OTOGL: variants seen among roughly 807,000 people sequenced by gnomAD.
OTOGL encodes otogelin like, also known as otogelin-like protein.
In OTOGL, 285 loss-of-function variants were observed where a neutral mutation model predicts 318.5. The observed-to-expected ratio is 0.89, with a 90% CI of 0.81 to 0.99. The LOEUF is 0.99. OTOGL is among the 50% of genes least tolerant of loss of function. The pLI, the probability that OTOGL is intolerant of heterozygous loss-of-function variation, is 0.00. For missense variants in OTOGL, 2,899 were observed against 2,845.6 expected (o/e 1.02, Z -0.43); for synonymous variants, 987 against 936.5 (o/e 1.05, Z -0.99).
At chr12:80,367,873 G>A in intron 54 of OTOGL, 134 bp downstream of exon 54, 1 of 642,140 alleles carries the variant, frequency 1.6e-6, no homozygotes, top group Non-Finnish European at 2.4e-6. Flanking sequence ...CTACTATTTT[G>A]TAATATATCA....
intron 23 of OTOGL, 69 bp from the exon 24 acceptor site, chr12:80,271,579 T>C: frequency 3.5e-6 from 5 of 1,430,384 alleles, no homozygotes; most frequent in Non-Finnish European, 4.8e-6. Context: ...ATTTTATGAA[T>C]TTTGGTGTTC....
chr12:80,351,405 T>TC (rs1204574891), intron 44 of OTOGL, among the ~76,000 whole-genome samples: 1 of 152,014 alleles, frequency 6.6e-6, no homozygotes, highest in Non-Finnish European at 1.5e-5. Flanking sequence ...AAGCTCTGCC[T>TC]CCCGGGTTCA....
intron 1 of OTOGL, among the ~76,000 whole-genome samples, chr12:80,162,935 G>A (rs1384347813): frequency 6.6e-6 from 1 of 151,940 alleles, no homozygotes; most frequent in Non-Finnish European, 1.5e-5. Flanking sequence ...ATGATAGGCT[G>A]ACACAGACAG....
At chr12:80,270,039 T>C in intron 22 of OTOGL, 63 bp from the exon 23 acceptor site, 1 of 1,185,336 alleles carries the variant, frequency 8.4e-7, no homozygotes, top group Non-Finnish European at 1.2e-6. Flanking sequence ...GTTGTCGAAA[T>C]TCAGGGAAAA....
At chr12:80,219,573 C>T (rs1878094778) in intron 5 of OTOGL, among the ~76,000 whole-genome samples, 1 of 152,180 alleles carries the variant, frequency 6.6e-6, no homozygotes, top group Non-Finnish European at 1.5e-5. Context: ...AAGGAGCTAA[C>T]CTTTGCTCTC....
chr12:80,279,540 A>T (rs890917145), intron 26 of OTOGL, among the ~76,000 whole-genome samples: 4 of 151,710 alleles, frequency 2.6e-5, no homozygotes, highest in African/African-American at 9.7e-5. Context: ...AAGTGAGAAC[A>T]TGCGGTATTT....
At chr12:80,148,220 C>T (rs1388997806) in intron 1 of OTOGL, among the ~76,000 whole-genome samples, 1 of 150,170 alleles carries the variant, frequency 6.7e-6, no homozygotes, top group Non-Finnish European at 1.5e-5. Flanking sequence ...TTTAGTGCTT[C>T]CTTCAGGAGC....
At chr12:80,277,932 A>T (rs975407248) in intron 24 of OTOGL, among the ~76,000 whole-genome samples, 2 of 151,610 alleles carry the variant, frequency 1.3e-5, no homozygotes, top group Non-Finnish European at 3.0e-5. Context: ...GTGAATAGCA[A>T]AAAGGTCAAC....
chr12:80,316,723 G>A (rs1886996809), intron 32 of OTOGL, among the ~76,000 whole-genome samples: 1 of 152,158 alleles, frequency 6.6e-6, no homozygotes, highest in Non-Finnish European at 1.5e-5. Context: ...CAATGCAACA[G>A]TGATAGACGT....
chr12:80,205,310 C>T (rs1876736620), intron 1 of OTOGL, among the ~76,000 whole-genome samples: 3 of 152,136 alleles, frequency 2.0e-5, no homozygotes, highest in Admixed American at 2.0e-4. Flanking sequence ...AGAAACATTA[C>T]TTCTTTCAAG....
rs867839565 is a variant in OTOGL at position 80,380,440 on chromosome 12, A to G, written c.*2392A>G. 3 of 152,064 alleles carry G rather than the reference A, an allele frequency of 2.0e-5. No individual in the cohort carries two copies. The highest frequency in any genetic ancestry group is 7.2e-5 in the African/African-American group (3 of 41,444). The allele number at this position is 152,064 out of a possible 1,614,324, so 9.4% of individuals were successfully genotyped here. On this transcript the variant is annotated 3_prime_UTR_variant, in exon 59 of 59. Coordinates refer to ENST00000547103, the MANE Select transcript of OTOGL (RefSeq NM_001378609.3). ...ACAAAAGGAAAAAATTAACAACCTG[A>G]TAGAAAAATGAGCCAAAGATATAAA...
rs570842801 is a variant in OTOGL at position 80,317,940 on chromosome 12, C to G, written c.3635-606C>G. On this transcript the variant is annotated intron_variant, in intron 32 of 58. Coordinates refer to ENST00000547103, the MANE Select transcript of OTOGL (RefSeq NM_001378609.3). The stretch of plus-strand genomic sequence containing the variant: ...CAAAGTCCCTAGTGAAGCTCTTTTT[C>G]TCATAGTTTATAAGGGTCCCCAGCT... Among the ~76,000 whole-genome samples, 4 of 152,222 alleles carry G rather than the reference C, an allele frequency of 2.6e-5. No individual in the cohort carries two copies. The South Asian group carries it at 8.3e-4, about 32-fold the overall frequency.
In OTOGL at chr12:80,297,178, T is replaced by C. The variant is rs10862088; in HGVS notation, c.3063+217T>C. Among the ~76,000 whole-genome samples, 82,573 of 151,898 alleles carry C rather than the reference T, an allele frequency of 0.54. 25,157 individuals are homozygous for C. The highest frequency in any genetic ancestry group is 0.83 in the East Asian group (4,262 of 5,154). Reference sequence around the variant, plus strand: ...TTCCAATTCGCTCCTCTTGCTTTCATTCCCATAGTTGCCATTTGGGCCCTT... The same window carrying C: ...TTCCAATTCGCTCCTCTTGCTTTCACTCCCATAGTTGCCATTTGGGCCCTT... On this transcript the variant is annotated intron_variant, in intron 27 of 58. Transcript: ENST00000547103.
chr12:80,140,792 G>A (rs181463387), intron 1 of OTOGL, among the ~76,000 whole-genome samples: 1 of 152,256 alleles, frequency 6.6e-6, no homozygotes. Flanking sequence ...ATGTGAACTT[G>A]ATCATTTTAA....
At chr12:80,145,067 C>G (rs1479262812) in intron 1 of OTOGL, among the ~76,000 whole-genome samples, 2 of 151,692 alleles carry the variant, frequency 1.3e-5, no homozygotes, top group Non-Finnish European at 2.9e-5. Flanking sequence ...TTAATTAGAT[C>G]CCATTTGTCA....
intron 11 of OTOGL, among the ~76,000 whole-genome samples, chr12:80,243,852 C>CATAT (rs771780739): frequency 2.1e-3 from 294 of 142,804 alleles, no homozygotes; most frequent in African/African-American, 5.6e-3. Context: ...ATCATATATA[C>CATAT]ATATATATAT....
At chr12:80,214,922 G>A (rs1877569511) in intron 4 of OTOGL, among the ~76,000 whole-genome samples, 1 of 152,068 alleles carries the variant, frequency 6.6e-6, no homozygotes, top group African/African-American at 2.4e-5. Context: ...AATAAAATCT[G>A]CATGTCACAC....
At chr12:80,192,436 G>C (rs1231708801) in intron 1 of OTOGL, among the ~76,000 whole-genome samples, 1 of 152,120 alleles carries the variant, frequency 6.6e-6, no homozygotes, top group Non-Finnish European at 1.5e-5. Context: ...CCCTTTCTTT[G>C]CTCTCACCGT....
chr12:80,323,737 G>T lies in OTOGL; in HGVS notation c.4096G>T (p.Val1366Leu), dbSNP rs1019679847. Reference protein sequence around the residue: ...SFSIEEIQAAVPYRKMCEWRY... With the variant: ...SFSIEEIQAALPYRKMCEWRY... Reference sequence around the variant, plus strand: ...TTTTTTCCCAGAAATCCAGGCAGCAGTGCCTTACAGGAAGATGTGTGAATG... The same window carrying T: ...TTTTTTCCCAGAAATCCAGGCAGCATTGCCTTACAGGAAGATGTGTGAATG... The change falls in exon 35 of 59, where the codon GTG (valine) becomes TTG (leucine). Residue 1366 changes from valine (V) to leucine (L), a missense_variant. Transcript: ENST00000547103. 1 of 1,613,546 alleles carries T rather than the reference G, an allele frequency of 6.2e-7. No individual in the cohort carries two copies.
Sources: gnomAD v4.1 joint callset for allele counts (sites outside exome capture counted in the v4.1 genomes callset) on GRCh38, gnomAD v4.1.1 for gene constraint, MANE v1.5 for transcripts, NCBI Gene and HGNC (gene_info 2026-07-23, HGNC 2026-07-21) for gene names.